Variants in SLC25A26 observed in about 807,000 individuals in gnomAD.
SLC25A26 encodes the protein solute carrier family 25 member 26.
In SLC25A26, 36 loss-of-function variants were observed where a neutral mutation model predicts 37.8. The ratio of observed to expected loss-of-function variants is 0.95; its 90% CI spans 0.73 to 1.26. The LOEUF is 1.26. SLC25A26 is among the 50% of genes most tolerant of loss of function. The pLI, the probability that SLC25A26 is intolerant of heterozygous loss-of-function variation, is 0.00. For missense variants in SLC25A26, 390 were observed against 331.1 expected, an observed-to-expected ratio of 1.18 and a Z score of -1.38; for synonymous variants, 129 against 122.5, an observed-to-expected ratio of 1.05 and a Z score of -0.35.
intron 5 of SLC25A26, among the ~76,000 whole-genome samples, chr3:66,283,572 T>A (rs969484974): frequency 2.6e-5 from 4 of 152,114 alleles, no homozygotes; most frequent in Non-Finnish European, 5.9e-5. Flanking sequence ...CCACTGTGCC[T>A]GGCCCAAACT....
chr3:66,313,932 C>T (rs556696610), intron 5 of SLC25A26, among the ~76,000 whole-genome samples: 3 of 152,014 alleles, frequency 2.0e-5, no homozygotes, highest in African/African-American at 7.2e-5. Flanking sequence ...GCCTGTAGTT[C>T]GTGTATAGGA....
chr3:66,309,602 G>A (rs991129528), intron 5 of SLC25A26, among the ~76,000 whole-genome samples: 1 of 152,092 alleles, frequency 6.6e-6, no homozygotes, highest in African/African-American at 2.4e-5. Context: ...ATGTTAGGGT[G>A]TCGGTTTTAG....
At chr3:66,147,070 TTCCCTTCCCTCCCCTCCCCTC>T (rs2070126377) in intron 1 of SLC25A26, among the ~76,000 whole-genome samples, 2 of 17,870 alleles carry the variant, frequency 1.1e-4, no homozygotes, top group African/African-American at 5.3e-4. Context: ...TTCCCTCCCC[TTCCCTTCCCTCCCCTCCCCTC>T]CCCTCCCCTC....
intron 1 of SLC25A26, among the ~76,000 whole-genome samples, chr3:66,227,461 G>GT (rs1177503963): frequency 6.6e-6 from 1 of 152,192 alleles, no homozygotes; most frequent in Admixed American, 6.5e-5. Flanking sequence ...CGTAAACTGA[G>GT]TAATAGGCAG....
At chr3:66,243,905 C>A (rs1172825867) in intron 3 of SLC25A26, among the ~76,000 whole-genome samples, 1 of 152,176 alleles carries the variant, frequency 6.6e-6, no homozygotes, top group Non-Finnish European at 1.5e-5. Flanking sequence ...GATTTGTGGG[C>A]TCTGTCATGA....
chr3:66,231,238 A>G (rs2072012939), intron 1 of SLC25A26, among the ~76,000 whole-genome samples: 2 of 152,134 alleles, frequency 1.3e-5, no homozygotes, highest in African/African-American at 4.8e-5. Flanking sequence ...TGAACACTCC[A>G]AGGTCTATAG....
chr3:66,199,359 T>C (rs1177799538), intron 1 of SLC25A26, among the ~76,000 whole-genome samples: 1 of 152,036 alleles, frequency 6.6e-6, no homozygotes, highest in Non-Finnish European at 1.5e-5. Flanking sequence ...ACCCCTACCC[T>C]TCCCTGAACA....
At chr3:66,364,330 A>G (rs2076778410) in intron 7 of SLC25A26, among the ~76,000 whole-genome samples, 1 of 152,196 alleles carries the variant, frequency 6.6e-6, no homozygotes, top group African/African-American at 2.4e-5. Context: ...CCTATCAGAC[A>G]TCCTCTATCT....
chr3:66,246,773 A>G (rs1183657262), intron 3 of SLC25A26, among the ~76,000 whole-genome samples: 1 of 152,158 alleles, frequency 6.6e-6, no homozygotes, highest in Non-Finnish European at 1.5e-5. Context: ...TAATTTGCCC[A>G]TGTTGGCTTC....
chr3:66,172,410 G>GAAAAAACAAAAAAAAAAAAAAAAA (rs2070513291), intron 1 of SLC25A26, among the ~76,000 whole-genome samples: 1 of 75,180 alleles, frequency 1.3e-5, no homozygotes, highest in Non-Finnish European at 2.5e-5. Context: ...TACCTGTAAA[G>GAAAAAACAAAAAAAAAAAAAAAAA]AAAAAAAAAA....
chr3:66,378,125 C>T lies in SLC25A26; in HGVS notation c.*318C>T, dbSNP rs1481116392. ...TTCATTTGATCTGTATCTGATCTTT[C>T]ATTTCCTGCCACCTGATGGTGGATT... On this transcript the variant is annotated 3_prime_UTR_variant, in exon 10 of 10. Transcript: ENST00000354883. 9.4e-5 allele frequency: 20 copies of T among 212,666 alleles called. No individual in the cohort carries two copies. The highest frequency in any genetic ancestry group is 5.1e-4 in the Admixed American group (9 of 17,582). 13.2% of individuals were successfully genotyped at this position (212,666 alleles called of 1,614,324 possible). A position where few individuals can be genotyped will look rare whatever the true frequency, so the allele number is the denominator to read the frequency against.
intron 1 of SLC25A26, among the ~76,000 whole-genome samples, chr3:66,200,665 G>T (rs1259061871): frequency 2.0e-5 from 3 of 152,194 alleles, no homozygotes; most frequent in African/African-American, 7.2e-5. Context: ...AAGCTAGCAA[G>T]CAAACCTGTA....
intron 5 of SLC25A26, among the ~76,000 whole-genome samples, chr3:66,279,294 G>A (rs2074258794): frequency 6.6e-6 from 1 of 152,030 alleles, no homozygotes; most frequent in Admixed American, 6.6e-5. Context: ...CACTGTGTTT[G>A]GGCTTCTATT....
At chr3:66,207,641 C>T (rs1342783027) in intron 1 of SLC25A26, among the ~76,000 whole-genome samples, 1 of 152,132 alleles carries the variant, frequency 6.6e-6, no homozygotes, top group African/African-American at 2.4e-5. Context: ...TTAATGTAAA[C>T]AAATGCATAG....
intron 5 of SLC25A26, among the ~76,000 whole-genome samples, chr3:66,291,774 C>G (rs1053553063): frequency 6.6e-6 from 1 of 152,128 alleles, no homozygotes; most frequent in Non-Finnish European, 1.5e-5. Context: ...AATGTATATT[C>G]TTTTGATTTG....
Position 66,272,976 on chromosome 3 carries a change from T to G in SLC25A26, c.453+9597T>G, listed in dbSNP as rs865833129. Reference sequence around the variant, plus strand: ...TTTTGAGATAAGTCCCATCAATACCTAATTTATTGAGAGTTTTTAGCATGA... The same window carrying G: ...TTTTGAGATAAGTCCCATCAATACCGAATTTATTGAGAGTTTTTAGCATGA... On this transcript the variant is annotated intron_variant, in intron 5 of 9. Coordinates refer to ENST00000354883, the MANE Select transcript of SLC25A26 (RefSeq NM_001379210.1). 9.2e-5 allele frequency among the ~76,000 whole-genome samples: 14 copies of G among 152,300 alleles called. No individual in the cohort carries two copies. In the Middle Eastern group the frequency reaches 0.01, roughly 111 times the overall value.
At chr3:66,309,092 A>G (rs372746652) in intron 5 of SLC25A26, among the ~76,000 whole-genome samples, 2 of 152,266 alleles carry the variant, frequency 1.3e-5, no homozygotes, top group African/African-American at 4.8e-5. Context: ...GTTGTTTGGA[A>G]TAGTTTCAGA....
At chr3:66,258,471 C>T (rs17772695) in intron 3 of SLC25A26, among the ~76,000 whole-genome samples, 24,687 of 152,172 alleles carry the variant, frequency 0.16, 2,433 homozygotes, top group Non-Finnish European at 0.23. Flanking sequence ...TAGTCATGGT[C>T]CTGGCACTTG....
chr3:66,257,325 T>C (rs2073342957), intron 3 of SLC25A26, among the ~76,000 whole-genome samples: 1 of 152,134 alleles, frequency 6.6e-6, no homozygotes, highest in African/African-American at 2.4e-5. Flanking sequence ...ATATACATTA[T>C]TATTTGTCAA....
Sources: allele counts gnomAD v4.1 joint callset (sites outside exome capture counted in the v4.1 genomes callset), GRCh38; gene constraint gnomAD v4.1.1; transcripts MANE v1.5; gene names NCBI Gene and HGNC (gene_info 2026-07-23, HGNC 2026-07-21).